Variants in RAB37 observed in about 807,000 individuals in gnomAD.
The protein encoded by RAB37 is ras-related protein Rab-37.
In RAB37, 29 loss-of-function variants were observed where a neutral mutation model predicts 33.1. The ratio of observed to expected loss-of-function variants is 0.88; its 90% confidence interval spans 0.65 to 1.20. The LOEUF (loss-of-function observed/expected upper bound fraction) is 1.20, where lower values mean the gene tolerates loss of function less well. RAB37 is among the 50% of genes most tolerant of loss of function. The pLI, the probability that RAB37 is intolerant of heterozygous loss-of-function variation, is 0.00. For synonymous variants in RAB37, 128 were observed against 119.5 expected (o/e 1.07, Z -0.47); for missense variants, 299 against 301.1 (o/e 0.99, Z 0.05).
chr17:74,718,673 C>T (rs563628423), intron 1 of RAB37, among the ~76,000 whole-genome samples: 10 of 152,224 alleles, frequency 6.6e-5, no homozygotes, highest in African/African-American at 1.2e-4. Context: ...TCAACACACA[C>T]ACAGACTTTT....
At chr17:74,702,073 C>A (rs1213545675) in intron 1 of RAB37, among the ~76,000 whole-genome samples, 1 of 151,138 alleles carries the variant, frequency 6.6e-6, no homozygotes, top group East Asian at 1.9e-4. Flanking sequence ...AAACAGAAGG[C>A]AAATGGGAGA....
At chr17:74,720,815 GA>G (rs1013590566) in intron 1 of RAB37, among the ~76,000 whole-genome samples, 1 of 152,112 alleles carries the variant, frequency 6.6e-6, no homozygotes, top group African/African-American at 2.4e-5. Flanking sequence ...TGTCCAGGAA[GA>G]ATCAGGTCAC....
Position 74,742,416 on chromosome 17 carries a change from G to A in RAB37, c.246+121G>A, listed in dbSNP as rs980588631. 20 of 714,808 alleles carry A rather than the reference G, an allele frequency of 2.8e-5. No homozygotes were observed. The highest frequency in any genetic ancestry group is 1.5e-4 in the African/African-American group (8 of 55,034). The allele number at this position is 714,808 out of a possible 1,614,324, so 44.3% of individuals were successfully genotyped here. A position where few individuals can be genotyped will look rare whatever the true frequency, so the allele number is the denominator to read the frequency against. On this transcript the variant is annotated intron_variant, in intron 3 of 8. Transcript: ENST00000392613. This position sits in a 1 kb window ranked among gnomAD's most constrained non-coding sequence, Gnocchi z 4.0. ...TGGGGCAATTTCCTGTGGGGCCCAC[G>A]GGAGGAAATGGCTTTTGTTTATTTG...
chr17:74,745,336 G>C lies in RAB37; in HGVS notation c.597G>C (p.Ala199=). The change falls in exon 9 of 9, where the codon GCG becomes GCC. Residue 199 remains alanine, a synonymous_variant. Transcript: ENST00000392613. This position sits in a 1 kb window ranked among gnomAD's most constrained non-coding sequence, Gnocchi z 4.5. ...KELKYRAGHQ[A]DEPSFQIRDY... is the part of the protein sequence containing the mutation. ...TGAAATACCGGGCCGGGCATCAGGC[G>C]GATGAGCCCAGCTTCCAGATCCGAG... is the stretch of plus-strand genomic sequence containing the variant. The C allele has an allele frequency of 6.2e-7, 1 of 1,614,100 alleles. No individual in the cohort carries two copies. The highest frequency in any genetic ancestry group is 8.5e-7 in the Non-Finnish European group (1 of 1,180,022).
chr17:74,721,338 G>A (rs951485432), intron 1 of RAB37, among the ~76,000 whole-genome samples: 1 of 151,768 alleles, frequency 6.6e-6, no homozygotes, highest in African/African-American at 2.4e-5. Flanking sequence ...TGCATTGTAT[G>A]TATATTCTAG....
At chr17:74,696,848 TC>T (rs2032526280) in intron 1 of RAB37, among the ~76,000 whole-genome samples, 1 of 152,244 alleles carries the variant, frequency 6.6e-6, no homozygotes, top group East Asian at 1.9e-4. Flanking sequence ...CACCAAGCTG[TC>T]CCCCAACCCC....
chr17:74,727,472 G>A (rs976930284), intron 1 of RAB37, among the ~76,000 whole-genome samples: 1 of 152,248 alleles, frequency 6.6e-6, no homozygotes, highest in Non-Finnish European at 1.5e-5. Context: ...GGAGGGTTGT[G>A]CAAGGCCATG....
At chr17:74,737,036 A>G (rs767695955), upstream of RAB37, 2 of 1,607,430 alleles carry the variant, frequency 1.2e-6, no homozygotes, top group South Asian at 1.1e-5. Flanking sequence ...AAGCGCACGG[A>G]GCCGAGCCGG....
At chr17:74,711,485 C>T (rs759966277) in intron 1 of RAB37, among the ~76,000 whole-genome samples, 3 of 152,226 alleles carry the variant, frequency 2.0e-5, no homozygotes, top group African/African-American at 7.2e-5. Context: ...GAGCCACTCC[C>T]TGCTCTTCCT....
In RAB37 at chr17:74,698,495, C is replaced by G. The variant is rs370516634; in HGVS notation, c.72+26837C>G. On this transcript the variant is annotated intron_variant, in intron 1 of 7. Coordinates refer to the RAB37 transcript ENST00000340415. ...AGGAGCTTGTGCCTAGAAACAATGG[C>G]AAGCGTCCCCTGCATCCCAGGCTCA... 2.1e-5 allele frequency: 33 copies of G among 1,607,378 alleles called. No homozygotes were observed. The African/African-American group carries it at 3.9e-4, about 19-fold the overall frequency.
rs150407466 is a variant in RAB37, at chr17:74,729,793, G to A, written c.183+427G>A. ...TTCTGGGGCTCCACATTGGATGAAC[G>A]CAAGTGGAAGCCAGAAAGCAAAAAA... is the stretch of plus-strand genomic sequence containing the variant. On this transcript the variant is annotated intron_variant, in intron 2 of 7. Transcript: ENST00000340415. This position sits in a 1 kb window ranked among gnomAD's most constrained non-coding sequence, Gnocchi z 4.2. Among the ~76,000 whole-genome samples the A allele has an allele frequency of 4.9e-4, 75 of 152,206 alleles. No individual in the cohort carries two copies. Among genetic ancestry groups the A allele is most frequent in the African/African-American group, 1.7e-3 (72 of 41,544 alleles).
At position 74,671,416 on chromosome 17, in the gene RAB37, T is replaced by G. The variant is rs1352046684; in HGVS notation, c.-171T>G. On this transcript the variant is annotated 5_prime_UTR_variant, in exon 1 of 8. Coordinates refer to the RAB37 transcript ENST00000340415. This position sits in a 1 kb window ranked among gnomAD's most constrained non-coding sequence, Gnocchi z 5.0. Reference sequence around the variant, plus strand: ...GGAAGAACGTGGCCGCCTGCCCGCCTGGTACCGCGCCGCGGCCGCTGCGGG... The same window carrying G: ...GGAAGAACGTGGCCGCCTGCCCGCCGGGTACCGCGCCGCGGCCGCTGCGGG... The G allele has an allele frequency of 3.3e-6, 2 of 612,344 alleles. No individual in the cohort carries two copies. Among genetic ancestry groups the G allele is most frequent in the Non-Finnish European group, 5.7e-6 (2 of 350,300 alleles). The allele number at this position is 612,344 out of a possible 1,614,324, so 37.9% of individuals were successfully genotyped here.
At position 74,707,647 on chromosome 17, in the gene RAB37, G is replaced by A. The variant is rs147659037; in HGVS notation, c.73-21609G>A. 9.0e-4 allele frequency among the ~76,000 whole-genome samples: 137 copies of A among 151,914 alleles called. 4 individuals are homozygous for A. In the East Asian group the frequency reaches 0.022, roughly 25 times the overall value. The stretch of plus-strand genomic sequence containing the variant: ...GGAGAATCGTCTGAACCTGGGAGGC[G>A]GAGGTTGCAGTGAGCCAAGATCGTG... On this transcript the variant is annotated intron_variant, in intron 1 of 7. Coordinates refer to the RAB37 transcript ENST00000340415.
chr17:74,732,514 T>G (rs1454968509), upstream of RAB37, among the ~76,000 whole-genome samples: 1 of 146,674 alleles, frequency 6.8e-6, no homozygotes, highest in African/African-American at 2.5e-5. Flanking sequence ...GGCAGGTGTG[T>G]GGTGTGATTT....
chr17:74,743,091 C>A (rs1419214324), intron 3 of RAB37, 38 bp from the exon 4 acceptor site: 2 of 1,589,506 alleles, frequency 1.3e-6, no homozygotes, highest in Non-Finnish European at 1.7e-6. Flanking sequence ...CTTGCACCTG[C>A]CTCCTTCTGA....
At chr17:74,688,581 A>G (rs1317237607) in intron 1 of RAB37, among the ~76,000 whole-genome samples, 5 of 151,862 alleles carry the variant, frequency 3.3e-5, no homozygotes, top group African/African-American at 1.2e-4. Context: ...AGAAAAGAAA[A>G]AGAAAATACA....
At position 74,676,233 on chromosome 17, in the gene RAB37, C is replaced by A. The variant is rs2031829389; in HGVS notation, c.72+4575C>A. ...AAAAGGGCTTCAGTTCAAGCACTTA[C>A]TTCCTAATTCCCTATCACCAGGGCT... On this transcript the variant is annotated intron_variant, in intron 1 of 7. Coordinates refer to the RAB37 transcript ENST00000340415. The surrounding 1 kb of genome is among the most constrained non-coding windows in gnomAD (Gnocchi z 4.1). Among the ~76,000 whole-genome samples the A allele has an allele frequency of 6.6e-6, 1 of 152,288 alleles. No individual in the cohort carries two copies. Among genetic ancestry groups the A allele is most frequent in the South Asian group, 2.1e-4 (1 of 4,816 alleles).
chr17:74,698,270 C>T (rs1050521840), intron 1 of RAB37: 3 of 885,068 alleles, frequency 3.4e-6, no homozygotes, highest in Non-Finnish European at 3.6e-6. Flanking sequence ...GTGCCATTTC[C>T]TGATTGTGTG....
At chr17:74,743,710 G>A (rs893495073) in intron 5 of RAB37, among the ~76,000 whole-genome samples, 7 of 152,136 alleles carry the variant, frequency 4.6e-5, no homozygotes, top group African/African-American at 1.7e-4. Context: ...GCAAGAAAGT[G>A]ACTCAGTCAG....
Sources: allele counts gnomAD v4.1 joint callset (sites outside exome capture counted in the v4.1 genomes callset), GRCh38; gene constraint gnomAD v4.1.1; non-coding constraint Gnocchi (gnomAD v3.1); transcripts MANE v1.5; gene names NCBI Gene and HGNC (gene_info 2026-07-23, HGNC 2026-07-21).